DNA2: variants seen among roughly 807,000 people sequenced by gnomAD.
The protein encoded by DNA2 is DNA replication ATP-dependent helicase/nuclease DNA2.
DNA2 carries 101 observed loss-of-function variants against 119.1 expected under a neutral mutation model. That is an observed-to-expected ratio of 0.85 (90% CI 0.72 to 1.00). DNA2 has a LOEUF of 1.00. Ranked by LOEUF, DNA2 falls within the 50% of genes least tolerant of loss-of-function variation. DNA2 has a pLI of 0.00. For synonymous variants in DNA2, 366 were observed against 424.4 expected (o/e 0.86, Z 1.69); for missense variants, 1,121 against 1,255.5 (o/e 0.89, Z 1.62).
intron 9 of DNA2, among the ~76,000 whole-genome samples, 189 bp from the exon 10 acceptor site, chr10:68,437,430 G>A (rs1490390429): frequency 6.6e-6 from 1 of 151,418 alleles, no homozygotes; most frequent in East Asian, 1.9e-4. Flanking sequence ...GAGGTCAGAT[G>A]TTCAAGACCA....
At position 68,456,995 on chromosome 10, in the gene DNA2, A is replaced by G. The variant is rs553097178; in HGVS notation, c.719+2109T>C. Among the ~76,000 whole-genome samples the G allele has an allele frequency of 2.8e-4, 43 of 151,964 alleles. No homozygotes were observed. In the East Asian group the frequency reaches 4.7e-3, roughly 17 times the overall value. On this transcript the variant is annotated intron_variant, in intron 5 of 20. Coordinates refer to ENST00000358410, the MANE Select transcript of DNA2 (RefSeq NM_001080449.3). ...TAAAAATACAAAAAATTAGCCAGGC[A>G]TGGTGGCAGGCACCTGTAGTCCCAG...
chr10:68,451,468 A>G (rs2052117119), intron 5 of DNA2, among the ~76,000 whole-genome samples: 1 of 152,174 alleles, frequency 6.6e-6, no homozygotes, highest in Non-Finnish European at 1.5e-5. Context: ...TCATTTTCAG[A>G]GCAGTTACGG....
In DNA2 at chr10:68,444,916, T is replaced by C. The variant is rs1374284150; in HGVS notation, c.1220+5A>G. 6.2e-7 allele frequency: 1 copy of C among 1,610,210 alleles called. No individual in the cohort carries two copies. Among genetic ancestry groups the C allele is most frequent in the Non-Finnish European group, 8.5e-7 (1 of 1,177,184 alleles). ...GAAATAATGCCTTTGGTAGACAATA[T>C]TTACCTGCTATAAAGAGCACAATTG... is the stretch of plus-strand genomic sequence containing the variant. On this transcript the variant is annotated splice_donor_5th_base_variant and intron_variant, in intron 8 of 20. Transcript: ENST00000358410.
chr10:68,445,932 G>A (rs911923876), intron 7 of DNA2, among the ~76,000 whole-genome samples: 1 of 152,080 alleles, frequency 6.6e-6, no homozygotes, highest in Non-Finnish European at 1.5e-5. Context: ...TTCAAGACCA[G>A]CCTGGCCAAC....
intron 4 of DNA2, among the ~76,000 whole-genome samples, chr10:68,462,999 G>A (rs945386676): frequency 6.6e-6 from 1 of 151,960 alleles, no homozygotes; most frequent in Non-Finnish European, 1.5e-5. Flanking sequence ...GGCCATGGTG[G>A]CACACGCCTG....
At chr10:68,428,504 C>T (rs760632339) in intron 14 of DNA2, among the ~76,000 whole-genome samples, 3 of 152,050 alleles carry the variant, frequency 2.0e-5, no homozygotes, top group South Asian at 2.1e-4. Flanking sequence ...ACTTATGTTA[C>T]GCAAAAACCT....
chr10:68,470,050 TCA>T lies in DNA2; in HGVS notation c.186_187del (p.Cys62Ter), dbSNP rs777604935. The T allele has an allele frequency of 2.1e-5, 34 of 1,613,880 alleles. No individual in the cohort carries two copies. The highest frequency in any genetic ancestry group is 2.8e-5 in the Non-Finnish European group (33 of 1,179,858). On this transcript the variant is annotated stop_gained and frameshift_variant, in exon 2 of 21. Transcript: ENST00000358410. LOFTEE classifies it high-confidence loss of function. The stretch of plus-strand genomic sequence containing the variant: ...TGAAGCAGTGATGACCAGGCGCTTT[TCA>T]CAGTTTCCCTCTTTGTTCTGTACAG...
At chr10:68,461,894 T>C (rs1011305665) in intron 4 of DNA2, among the ~76,000 whole-genome samples, 16 of 149,980 alleles carry the variant, frequency 1.1e-4, no homozygotes, top group African/African-American at 3.9e-4. Context: ...GGGTGATAAT[T>C]TCATCATTGC....
At position 68,454,538 on chromosome 10, in the gene DNA2, G is replaced by A. The variant is rs796985505; in HGVS notation, c.720-4291C>T. 1.4e-4 allele frequency among the ~76,000 whole-genome samples: 21 copies of A among 152,264 alleles called. 2 individuals are homozygous for A. The highest frequency in any genetic ancestry group is 5.1e-4 in the African/African-American group (21 of 41,552). ...AAATGTCAAGCAGCTGGGCGCAGTG[G>A]CTCACACCTGTAATCCCAGCACTTT... is the stretch of plus-strand genomic sequence containing the variant. On this transcript the variant is annotated intron_variant, in intron 5 of 20. Coordinates refer to ENST00000358410, the MANE Select transcript of DNA2 (RefSeq NM_001080449.3).
rs532644819 is a variant in DNA2 at position 68,455,155 on chromosome 10, G to T, written c.719+3949C>A. Among the ~76,000 whole-genome samples, 482 of 152,006 alleles carry T rather than the reference G, an allele frequency of 3.2e-3. 1 individual carries two copies. Among genetic ancestry groups the T allele is most frequent in the Non-Finnish European group, 4.9e-3 (330 of 68,002 alleles). On this transcript the variant is annotated intron_variant, in intron 5 of 20. Transcript: ENST00000358410. Reference sequence around the variant, plus strand: ...GGGTTTCACCATCTTGGCCAGGCTGGTCTCAAACTCCTGACCTCATGATCT... The same window carrying T: ...GGGTTTCACCATCTTGGCCAGGCTGTTCTCAAACTCCTGACCTCATGATCT...
At position 68,416,859 on chromosome 10, in the gene DNA2, T is replaced by C; in HGVS notation, c.2968-4A>G. 6.3e-7 allele frequency: 1 copy of C among 1,599,740 alleles called. No homozygotes were observed. The highest frequency in any genetic ancestry group is 2.2e-5 in the East Asian group (1 of 44,672). On this transcript the variant is annotated splice_region_variant and splice_polypyrimidine_tract_variant and intron_variant, in intron 19 of 20. Transcript: ENST00000358410. ...AATCTTTCAAGAGTTCACCAACCTGTAAGAAATATAATTTTCAATTATTCA... is the reference window on the plus strand; with the variant it reads ...AATCTTTCAAGAGTTCACCAACCTGCAAGAAATATAATTTTCAATTATTCA...
intron 14 of DNA2, among the ~76,000 whole-genome samples, chr10:68,427,126 T>C (rs1398532011): frequency 3.3e-5 from 5 of 151,934 alleles, no homozygotes; most frequent in African/African-American, 1.2e-4. Context: ...CCCAGCACTT[T>C]GGGAGGCTGA....
rs1376913070 is a variant in DNA2, at chr10:68,432,407, T to C, written c.1750A>G (p.Asn584Asp). ...PLGNLSKLMENTFVSKKLRDL... is the reference protein window; with the variant it reads ...PLGNLSKLMEDTFVSKKLRDL... ...ATTGTTACAAACCTGACAAACGTGT[T>C]TTCCATCAATTTGGAAAGATTTCCT... The change falls in exon 11 of 21, where the codon AAC (asparagine) becomes GAC (aspartate). Residue 584 changes from asparagine to aspartate, a missense_variant. Physicochemically the swap from Asn to Asp is conservative, Grantham distance 23. Transcript: ENST00000358410. 1 of 1,595,316 alleles carries C rather than the reference T, an allele frequency of 6.3e-7. No individual in the cohort carries two copies. Among genetic ancestry groups the C allele is most frequent in the Non-Finnish European group, 8.6e-7 (1 of 1,168,120 alleles).
intron 6 of DNA2, among the ~76,000 whole-genome samples, chr10:68,448,932 G>GGTGTGTGTGTGTGTGTGT (rs776191186): frequency 1.4e-5 from 2 of 142,300 alleles, no homozygotes; most frequent in Middle Eastern, 3.5e-3. Flanking sequence ...CACCACACCA[G>GGTGTGTGTGTGTGTGTGT]GTGTGTGTGT....
In DNA2 at chr10:68,443,004, A is replaced by T; in HGVS notation, c.1328T>A (p.Leu443His). ...CTCCAGGGTTAACATTAGACACCAA[A>T]GGCTGAAATATTCTAAGTGTGTTTG... ...LKQTHLEYFS[L>H]WCLMLTLESQ... The change falls in exon 9 of 21, where the codon CTT becomes CAT. Residue 443 changes from leucine (L) to histidine (H), a missense_variant. Coordinates refer to ENST00000358410, the MANE Select transcript of DNA2 (RefSeq NM_001080449.3). The T allele has an allele frequency of 6.2e-7, 1 of 1,611,446 alleles. No homozygotes were observed. Among genetic ancestry groups the T allele is most frequent in the Non-Finnish European group, 8.5e-7 (1 of 1,178,620 alleles).
chr10:68,432,575 C>T, intron 10 of DNA2, 65 bp from the exon 11 acceptor site: 1 of 876,720 alleles, frequency 1.1e-6, no homozygotes, highest in South Asian at 1.6e-5. Context: ...AAGAAATATG[C>T]TGCTATCTGC....
At chr10:68,438,817 T>C (rs1430204007) in intron 9 of DNA2, among the ~76,000 whole-genome samples, 1 of 151,916 alleles carries the variant, frequency 6.6e-6, no homozygotes, top group Non-Finnish European at 1.5e-5. Flanking sequence ...GCAGATGACC[T>C]GAGGTCAGGA....
At position 68,471,660 on chromosome 10, in the gene DNA2, G is replaced by C. The variant is rs1246757486; in HGVS notation, c.74+131C>G. ...GGCCCCGACTCCGGAGGCTCGTCGG[G>C]TGCCCAGGGAGCTGCACCGGGTCCC... is the stretch of plus-strand genomic sequence containing the variant. On this transcript the variant is annotated intron_variant, in intron 1 of 20. Transcript: ENST00000358410. 3.5e-6 allele frequency: 4 copies of C among 1,144,226 alleles called. No individual in the cohort carries two copies. The South Asian group carries it at 7.1e-5, about 20-fold the overall frequency. 70.9% of individuals were successfully genotyped at this position (1,144,226 alleles called of 1,614,324 possible). A position where few individuals can be genotyped will look rare whatever the true frequency, so the allele number is the denominator to read the frequency against.
rs563767067 is a variant in DNA2 at position 68,425,560 on chromosome 10, C to T, written c.2209-2670G>A. 3.2e-4 allele frequency among the ~76,000 whole-genome samples: 48 copies of T among 152,014 alleles called. No homozygotes were observed. In the East Asian group the frequency reaches 9.4e-3, roughly 30 times the overall value. ...GGGACTACAGGTACCTGCCACCATA[C>T]CCGGCTAATTTGTTGTATTTTTAGT... On this transcript the variant is annotated intron_variant, in intron 14 of 20. Coordinates refer to ENST00000358410, the MANE Select transcript of DNA2 (RefSeq NM_001080449.3).
Sources: gnomAD v4.1 joint callset for allele counts (sites outside exome capture counted in the v4.1 genomes callset) on GRCh38, gnomAD v4.1.1 for gene constraint, MANE v1.5 for transcripts, NCBI Gene and HGNC (gene_info 2026-07-23, HGNC 2026-07-21) for gene names.